Variants in CNTN5 observed in about 807,000 individuals in gnomAD.
CNTN5 encodes contactin 5.
In CNTN5, 77 loss-of-function variants were observed where a neutral mutation model predicts 129.1. The ratio of observed to expected loss-of-function variants is 0.60; its 90% CI spans 0.50 to 0.72. The LOEUF (loss-of-function observed/expected upper bound fraction) is 0.72. Ranked by LOEUF, CNTN5 falls within the 30% of genes least tolerant of loss-of-function variation. The pLI is 0.00. For synonymous variants in CNTN5, 509 were observed against 465.6 expected, an observed-to-expected ratio of 1.09 and a Z score of -1.20; for missense variants, 1,478 against 1,328.8, an observed-to-expected ratio of 1.11 and a Z score of -1.75.
intron 2 of CNTN5, among the ~76,000 whole-genome samples, chr11:99,529,092 AACAAAACC>A (rs1301859843): frequency 6.6e-6 from 1 of 151,940 alleles, no homozygotes; most frequent in Non-Finnish European, 1.5e-5. Flanking sequence ...CAAACAAACA[AACAAAACC>A]ACAAAAAAGA....
chr11:100,337,342 C>G lies in CNTN5; in HGVS notation c.2731-3121C>G, dbSNP rs185556646. ...TCACCATACATATTCTGGAAGTGAT[C>G]GATGCACACATGATCACAAAGCGAA... On this transcript the variant is annotated intron_variant, in intron 21 of 24. Coordinates refer to ENST00000524871, the MANE Select transcript of CNTN5 (RefSeq NM_014361.4). 7 of 856,678 alleles carry G rather than the reference C, an allele frequency of 8.2e-6. No individual in the cohort carries two copies. The African/African-American group carries it at 1.0e-4, about 12-fold the overall frequency. 53.1% of individuals were successfully genotyped at this position (856,678 alleles called of 1,614,324 possible). A position where few individuals can be genotyped will look rare whatever the true frequency, so the allele number is the denominator to read the frequency against.
At chr11:99,523,243 C>G (rs1419028135) in intron 2 of CNTN5, among the ~76,000 whole-genome samples, 1 of 152,146 alleles carries the variant, frequency 6.6e-6, no homozygotes, top group African/African-American at 2.4e-5. Flanking sequence ...CTTATTATTG[C>G]TCTTATCACA....
intron 13 of CNTN5, among the ~76,000 whole-genome samples, chr11:100,162,220 A>T (rs554744397): frequency 2.0e-5 from 3 of 151,860 alleles, no homozygotes; most frequent in Non-Finnish European, 4.4e-5. Flanking sequence ...AACCGCGATA[A>T]AGAACTTAGA....
intron 13 of CNTN5, among the ~76,000 whole-genome samples, chr11:100,187,552 G>A (rs998952725): frequency 1.3e-5 from 2 of 151,962 alleles, no homozygotes; most frequent in African/African-American, 2.4e-5. Context: ...TATAGTATAA[G>A]GTTACAGTAA....
chr11:99,779,262 T>A (rs1237690551), intron 3 of CNTN5, among the ~76,000 whole-genome samples: 1 of 151,868 alleles, frequency 6.6e-6, no homozygotes, highest in Non-Finnish European at 1.5e-5. Context: ...AATAAAATAA[T>A]TAAATGTATA....
At chr11:99,765,378 AAC>A (rs1944718507) in intron 3 of CNTN5, among the ~76,000 whole-genome samples, 1 of 149,360 alleles carries the variant, frequency 6.7e-6, no homozygotes, top group African/African-American at 2.5e-5. Context: ...CTCAGTATGA[AAC>A]ACATACTGAG....
chr11:100,098,476 T>C (rs1438933087), intron 13 of CNTN5, among the ~76,000 whole-genome samples: 1 of 151,944 alleles, frequency 6.6e-6, no homozygotes. Context: ...GTGTTTAATC[T>C]GTCTGTCTGT....
At chr11:99,308,624 A>T (rs1329703828) in intron 1 of CNTN5, among the ~76,000 whole-genome samples, 1 of 152,190 alleles carries the variant, frequency 6.6e-6, no homozygotes. Context: ...TTCTCCCAAA[A>T]GGAAATATGA....
chr11:99,854,184 A>C (rs1225248144), intron 6 of CNTN5, among the ~76,000 whole-genome samples: 3 of 152,098 alleles, frequency 2.0e-5, no homozygotes, highest in African/African-American at 7.2e-5. Flanking sequence ...ATACCTGACC[A>C]CTTTTTCTAT....
intron 7 of CNTN5, among the ~76,000 whole-genome samples, chr11:99,954,630 T>G (rs1950755307): frequency 6.6e-6 from 1 of 152,144 alleles, no homozygotes; most frequent in Non-Finnish European, 1.5e-5. Context: ...TTATAGTTTT[T>G]TTATGATTAC....
intron 13 of CNTN5, among the ~76,000 whole-genome samples, chr11:100,096,365 A>AT (rs1418921148): frequency 1.3e-5 from 2 of 152,118 alleles, no homozygotes; most frequent in African/African-American, 4.8e-5. Context: ...AGTAGAGCAC[A>AT]TGGCTCATGT....
At chr11:100,097,346 G>A (rs577463122) in intron 13 of CNTN5, among the ~76,000 whole-genome samples, 1 of 152,068 alleles carries the variant, frequency 6.6e-6, no homozygotes, top group Non-Finnish European at 1.5e-5. Context: ...TCAGCCAAGT[G>A]TCTTTTCCAG....
At chr11:99,119,344 G>A (rs1479516785) in intron 1 of CNTN5, among the ~76,000 whole-genome samples, 1 of 152,046 alleles carries the variant, frequency 6.6e-6, no homozygotes, top group Non-Finnish European at 1.5e-5. Flanking sequence ...CTATGTCCAT[G>A]TCTTCTCATC....
chr11:100,161,070 T>C (rs961611280), intron 13 of CNTN5, among the ~76,000 whole-genome samples: 9 of 151,962 alleles, frequency 5.9e-5, no homozygotes, highest in Non-Finnish European at 1.2e-4. Flanking sequence ...AGCTGAATAT[T>C]TCATGCAATT....
chr11:99,374,422 T>C (rs1940027703), intron 2 of CNTN5, among the ~76,000 whole-genome samples: 1 of 152,184 alleles, frequency 6.6e-6, no homozygotes, highest in South Asian at 2.1e-4. Flanking sequence ...TTTTTCAATG[T>C]ATATAAAAAT....
chr11:99,185,786 C>A (rs1334437833), intron 1 of CNTN5, among the ~76,000 whole-genome samples: 1 of 150,436 alleles, frequency 6.6e-6, no homozygotes, highest in Non-Finnish European at 1.5e-5. Context: ...AATGTTATCA[C>A]AATTTTAAAA....
At chr11:99,064,513 G>T (rs1865022639) in intron 1 of CNTN5, among the ~76,000 whole-genome samples, 1 of 152,104 alleles carries the variant, frequency 6.6e-6, no homozygotes, top group Non-Finnish European at 1.5e-5. Flanking sequence ...AGAAGTAATT[G>T]AATACCAGCA....
chr11:99,423,605 A>AT (rs1942991723), intron 2 of CNTN5, among the ~76,000 whole-genome samples: 2 of 152,278 alleles, frequency 1.3e-5, no homozygotes, highest in Non-Finnish European at 2.9e-5. Flanking sequence ...TTTAATCTGT[A>AT]TTTTTTCTCA....
chr11:99,693,277 T>C (rs1440791271), intron 3 of CNTN5, among the ~76,000 whole-genome samples: 2 of 152,130 alleles, frequency 1.3e-5, no homozygotes, highest in Non-Finnish European at 2.9e-5. Flanking sequence ...TAATAGTCTT[T>C]AAATAATATT....
Sources: allele counts gnomAD v4.1 joint callset (sites outside exome capture counted in the v4.1 genomes callset), GRCh38; gene constraint gnomAD v4.1.1; transcripts MANE v1.5; gene names NCBI Gene and HGNC (gene_info 2026-07-23, HGNC 2026-07-21).